The following CYP4Z1 variants were observed in gnomAD, a reference collection of about 807,000 sequenced individuals.
CYP4Z1 encodes the protein cytochrome P450 family 4 subfamily Z member 1.
A neutral mutation model predicts 54.2 loss-of-function variants in CYP4Z1; 41 were observed. The ratio of observed to expected loss-of-function variants is 0.76; its 90% CI spans 0.59 to 0.98. The LOEUF (loss-of-function observed/expected upper bound fraction) is 0.98, where lower values mean the gene tolerates loss of function less well. CYP4Z1 is among the 50% of genes least tolerant of loss of function. The pLI is 0.00. For synonymous variants in CYP4Z1, 163 were observed against 206.2 expected (o/e 0.79, Z 1.79); for missense variants, 513 against 599.0 (o/e 0.86, Z 1.50).
At chr1:47,116,787 A>G in intron 11 of CYP4Z1, 55 bp downstream of exon 11, 1 of 1,339,682 alleles carries the variant, frequency 7.5e-7, no homozygotes, top group Non-Finnish European at 1.0e-6. Context: ...CTTACCTGAC[A>G]AGTGCTTCTT....
At chr1:47,117,668 T>C in intron 11 of CYP4Z1, 98 bp from the exon 12 acceptor site, 1 of 1,323,714 alleles carries the variant, frequency 7.6e-7, no homozygotes, top group Non-Finnish European at 1.0e-6. Context: ...ATGGATCTTG[T>C]TTCCCTACAA....
At chr1:47,104,011 T>C (rs1283362782) in intron 8 of CYP4Z1, among the ~76,000 whole-genome samples, 11 of 152,198 alleles carry the variant, frequency 7.2e-5, no homozygotes, top group Non-Finnish European at 1.5e-4. Context: ...GGAGGTGTCA[T>C]AGTTCCTTGC....
At chr1:47,089,514 G>A (rs1262998209) in intron 6 of CYP4Z1, among the ~76,000 whole-genome samples, 3 of 152,064 alleles carry the variant, frequency 2.0e-5, no homozygotes, top group Admixed American at 1.3e-4. Context: ...AATGTTTCTG[G>A]TAATGCACAG....
intron 1 of CYP4Z1, 52 bp downstream of exon 1, chr1:47,067,719 T>A: frequency 6.8e-7 from 1 of 1,466,954 alleles, no homozygotes; most frequent in Admixed American, 2.1e-5. Flanking sequence ...GATGAGGTAT[T>A]AAAAAAAAAC....
At chr1:47,086,392 G>A (rs2148531031) in intron 6 of CYP4Z1, among the ~76,000 whole-genome samples, 1 of 152,260 alleles carries the variant, frequency 6.6e-6, no homozygotes, top group East Asian at 1.9e-4. Flanking sequence ...CTTTCTAACT[G>A]GTGTGAGATG....
At chr1:47,089,332 T>C (rs1335206440) in intron 6 of CYP4Z1, among the ~76,000 whole-genome samples, 1 of 152,138 alleles carries the variant, frequency 6.6e-6, no homozygotes, top group Non-Finnish European at 1.5e-5. Flanking sequence ...ATAATTTTTT[T>C]TTAAGTTCCG....
intron 8 of CYP4Z1, among the ~76,000 whole-genome samples, chr1:47,099,807 G>A (rs974444383): frequency 6.6e-6 from 1 of 152,154 alleles, no homozygotes; most frequent in African/African-American, 2.4e-5. Flanking sequence ...AACTGATCAT[G>A]TTTTAAAAAC....
chr1:47,064,895 G>C (rs1376526988), upstream of CYP4Z1, among the ~76,000 whole-genome samples: 1 of 152,134 alleles, frequency 6.6e-6, no homozygotes, highest in African/African-American at 2.4e-5. Flanking sequence ...AGGAGTAGCT[G>C]TTCTTATACC....
chr1:47,086,143 A>G (rs796811331), intron 6 of CYP4Z1, among the ~76,000 whole-genome samples: 1 of 152,118 alleles, frequency 6.6e-6, no homozygotes, highest in African/African-American at 2.4e-5. Context: ...GAAAAGTGCC[A>G]CAGTAAACAC....
rs145297292 is a variant in CYP4Z1 at position 47,078,066 on chromosome 1, C to T, written c.320-2557C>T. On this transcript the variant is annotated intron_variant, in intron 2 of 11. Transcript: ENST00000334194. ...TTTCAGTTATTTTCATAGTGATTAACGTGAGATTAAAATTAATATCTTAAA... is the reference window on the plus strand; with the variant it reads ...TTTCAGTTATTTTCATAGTGATTAATGTGAGATTAAAATTAATATCTTAAA... Among the ~76,000 whole-genome samples, 1,327 of 152,160 alleles carry T rather than the reference C, an allele frequency of 8.7e-3. 12 individuals carry two copies. Among genetic ancestry groups the T allele is most frequent in the South Asian group, 0.052 (251 of 4,804 alleles).
intron 6 of CYP4Z1, among the ~76,000 whole-genome samples, chr1:47,089,978 T>C (rs1001364082): frequency 6.6e-6 from 1 of 152,284 alleles, no homozygotes; most frequent in African/African-American, 2.4e-5. Context: ...ACAATTCCTT[T>C]CCTTTAATTA....
At chr1:47,089,279 C>T (rs189851333) in intron 6 of CYP4Z1, among the ~76,000 whole-genome samples, 1 of 152,172 alleles carries the variant, frequency 6.6e-6, no homozygotes, top group East Asian at 1.9e-4. Context: ...CCTCTATTTA[C>T]TACTTCTCAT....
chr1:47,056,050 G>A, the CYP4Z1 span, among the ~76,000 whole-genome samples: 1 of 151,684 alleles, frequency 6.6e-6, no homozygotes, highest in Admixed American at 6.6e-5. Context: ...TTCTCTTGTG[G>A]GCATTTATTG....
At chr1:47,079,892 T>C (rs1295797735) in intron 2 of CYP4Z1, among the ~76,000 whole-genome samples, 1 of 140,020 alleles carries the variant, frequency 7.1e-6, no homozygotes, top group Non-Finnish European at 1.5e-5. Context: ...AGAGAGAGAA[T>C]ACACTAGGGA....
At chr1:47,060,203 T>G in the CYP4Z1 span, among the ~76,000 whole-genome samples, 2 of 152,046 alleles carry the variant, frequency 1.3e-5, no homozygotes, top group African/African-American at 2.4e-5. Flanking sequence ...CATATACTTT[T>G]TAAAAAATTA....
At chr1:47,060,051 T>G in the CYP4Z1 span, among the ~76,000 whole-genome samples, 2 of 151,258 alleles carry the variant, frequency 1.3e-5, no homozygotes, top group Non-Finnish European at 3.0e-5. Context: ...AATATCCTAG[T>G]TTTGTCTTGG....
Position 47,068,869 on chromosome 1 carries a change from T to A in CYP4Z1, c.319+106T>A, listed in dbSNP as rs560537452. The stretch of plus-strand genomic sequence containing the variant: ...TTGAAGCATTTTTAAGGGAAATCCA[T>A]CATTTGATATGTTGAAGGGAAGATT... On this transcript the variant is annotated intron_variant, in intron 2 of 11. Transcript: ENST00000334194. 107 of 1,413,582 alleles carry A rather than the reference T, an allele frequency of 7.6e-5. 1 individual carries two copies. The African/African-American group carries it at 1.2e-3, about 16-fold the overall frequency. 87.6% of individuals were successfully genotyped at this position (1,413,582 alleles called of 1,614,324 possible).
In CYP4Z1 at chr1:47,086,961, C is replaced by T. The variant is rs1487520399; in HGVS notation, c.772+1983C>T. ...TTTATTAAATAGGGAATCCTTTCCTCATTTCATGTTTTTGTCAGGTTTGTC... is the reference window on the plus strand; with the variant it reads ...TTTATTAAATAGGGAATCCTTTCCTTATTTCATGTTTTTGTCAGGTTTGTC... On this transcript the variant is annotated intron_variant, in intron 6 of 11. Coordinates refer to ENST00000334194, the MANE Select transcript of CYP4Z1 (RefSeq NM_178134.3). Among the ~76,000 whole-genome samples the T allele has an allele frequency of 5.9e-5, 9 of 152,316 alleles. No homozygotes were observed. The East Asian group carries it at 1.5e-3, about 26-fold the overall frequency.
At chr1:47,063,341 C>T (rs913034234), upstream of CYP4Z1, among the ~76,000 whole-genome samples, 9 of 151,926 alleles carry the variant, frequency 5.9e-5, no homozygotes, top group Admixed American at 3.9e-4. Context: ...TTTTTTCACA[C>T]CCCCAAGAGA....
Sources: gnomAD v4.1 joint callset for allele counts (sites outside exome capture counted in the v4.1 genomes callset) on GRCh38, gnomAD v4.1.1 for gene constraint, MANE v1.5 for transcripts, NCBI Gene and HGNC (gene_info 2026-07-23, HGNC 2026-07-21) for gene names.